Variants in EML5 observed in about 807,000 individuals in gnomAD.
EML5 encodes EMAP like 5.
A neutral mutation model predicts 250.0 loss-of-function variants in EML5; 120 were observed. The observed-to-expected ratio is 0.48, with a 90% CI of 0.41 to 0.56. EML5 has a LOEUF of 0.56. EML5 is among the 20% of genes least tolerant of loss of function. The pLI, the probability that EML5 is intolerant of heterozygous loss-of-function variation, is 0.00. For missense variants in EML5, 2,006 were observed against 2,437.6 expected, an observed-to-expected ratio of 0.82 and a Z score of 3.73; for synonymous variants, 771 against 806.5, an observed-to-expected ratio of 0.96 and a Z score of 0.75.
At chr14:88,680,219 A>G in intron 21 of EML5, among the ~76,000 whole-genome samples, 1 of 152,230 alleles carries the variant, frequency 6.6e-6, no homozygotes, top group Admixed American at 6.5e-5. Context: ...ATCTTAAGAA[A>G]TAAAATAGTT....
intron 10 of EML5, 25 bp from the exon 11 acceptor site, chr14:88,706,451 T>C (rs749347796): frequency 1.2e-5 from 18 of 1,450,968 alleles, no homozygotes; most frequent in Non-Finnish European, 1.6e-5. Flanking sequence ...TATCTTTAAA[T>C]TGATAAACAA....
At chr14:88,627,274 C>G (rs2090058181) in intron 34 of EML5, 1 of 558,674 alleles carries the variant, frequency 1.8e-6, no homozygotes, top group East Asian at 3.0e-5. Flanking sequence ...AATGTTTTGT[C>G]TAAAGTGTGG....
intron 33 of EML5, among the ~76,000 whole-genome samples, chr14:88,632,352 A>G (rs374309740): frequency 6.6e-6 from 1 of 152,130 alleles, no homozygotes; most frequent in Admixed American, 6.5e-5. Context: ...TACATTCTCA[A>G]TAATATAGTG....
At chr14:88,732,425 A>T (rs2093775110) in intron 7 of EML5, among the ~76,000 whole-genome samples, 1 of 152,046 alleles carries the variant, frequency 6.6e-6, no homozygotes, top group South Asian at 2.1e-4. Context: ...ATTGGTCTAT[A>T]TCTCTGTTTT....
At chr14:88,782,933 G>A (rs747000181) in intron 1 of EML5, among the ~76,000 whole-genome samples, 7 of 152,122 alleles carry the variant, frequency 4.6e-5, no homozygotes, top group Non-Finnish European at 8.8e-5. Context: ...TACAGAATTA[G>A]TCAGGTGTGG....
chr14:88,667,076 G>A (rs1706622072), intron 21 of EML5, among the ~76,000 whole-genome samples: 1 of 152,058 alleles, frequency 6.6e-6, no homozygotes, highest in African/African-American at 2.4e-5. Context: ...TTGCTTGAGT[G>A]GTGATGCCAT....
chr14:88,725,422 A>C (rs1000743342), intron 8 of EML5, among the ~76,000 whole-genome samples: 1 of 152,216 alleles, frequency 6.6e-6, no homozygotes, highest in African/African-American at 2.4e-5. Flanking sequence ...GTATCTGTTC[A>C]TAATGGGGAG....
chr14:88,751,435 G>C (rs1216340684), intron 2 of EML5, among the ~76,000 whole-genome samples: 2 of 152,190 alleles, frequency 1.3e-5, no homozygotes, highest in Non-Finnish European at 2.9e-5. Context: ...CAATCCAGGG[G>C]AGGGAAGGAG....
intron 31 of EML5, 48 bp downstream of exon 31, chr14:88,642,845 T>C (rs1255882752): frequency 2.6e-6 from 4 of 1,548,100 alleles, no homozygotes; most frequent in Non-Finnish European, 1.7e-6. Flanking sequence ...GATCAAAATT[T>C]CTAAGTTAAA....
At chr14:88,768,804 A>T (rs1226076050) in intron 1 of EML5, among the ~76,000 whole-genome samples, 2 of 152,252 alleles carry the variant, frequency 1.3e-5, no homozygotes, top group African/African-American at 4.8e-5. Flanking sequence ...TATTTATTTA[A>T]CCCATCTATT....
chr14:88,709,460 G>A (rs960107319), intron 10 of EML5, among the ~76,000 whole-genome samples: 15 of 152,118 alleles, frequency 9.9e-5, no homozygotes, highest in African/African-American at 2.9e-4. Flanking sequence ...ATGTTTGACA[G>A]AGGAGAAAAC....
chr14:88,678,366 G>A (rs774862548), intron 21 of EML5, among the ~76,000 whole-genome samples: 3 of 152,070 alleles, frequency 2.0e-5, no homozygotes, highest in Non-Finnish European at 2.9e-5. Flanking sequence ...GTTGACAGGT[G>A]CAACAAGCCA....
intron 8 of EML5, among the ~76,000 whole-genome samples, chr14:88,717,062 GA>G (rs1378816935): frequency 6.6e-6 from 1 of 152,212 alleles, no homozygotes; most frequent in Non-Finnish European, 1.5e-5. Context: ...TAAAGGTACA[GA>G]GTTGATCAGA....
chr14:88,671,757 T>G (rs975872454), intron 21 of EML5, among the ~76,000 whole-genome samples: 2 of 152,016 alleles, frequency 1.3e-5, no homozygotes, highest in African/African-American at 4.8e-5. Context: ...CAATCCTAGT[T>G]TCTAACAAAA....
At chr14:88,718,318 G>A (rs561976632) in intron 8 of EML5, among the ~76,000 whole-genome samples, 1 of 152,192 alleles carries the variant, frequency 6.6e-6, no homozygotes, top group Non-Finnish European at 1.5e-5. Context: ...GTAACTGACA[G>A]CAGAGGCAGA....
At chr14:88,718,887 G>C (rs2093546068) in intron 8 of EML5, among the ~76,000 whole-genome samples, 1 of 152,114 alleles carries the variant, frequency 6.6e-6, no homozygotes, top group African/African-American at 2.4e-5. Context: ...TACACAAAGA[G>C]TTACTTTTTT....
chr14:88,615,862 C>T lies in EML5; in HGVS notation c.5898-8G>A. 1 of 1,610,138 alleles carries T rather than the reference C, an allele frequency of 6.2e-7. No individual in the cohort carries two copies. Among genetic ancestry groups the T allele is most frequent in the South Asian group, 1.1e-5 (1 of 89,946 alleles). Reference sequence around the variant, plus strand: ...CATTTCCAGACAAATAAGCTGCAATCAGAGAAGAAAATTGCAGGGAGTTAA... The same window carrying T: ...CATTTCCAGACAAATAAGCTGCAATTAGAGAAGAAAATTGCAGGGAGTTAA... On this transcript the variant is annotated splice_region_variant and splice_polypyrimidine_tract_variant and intron_variant, in intron 43 of 43. Coordinates refer to ENST00000554922, the MANE Select transcript of EML5 (RefSeq NM_183387.3).
intron 21 of EML5, among the ~76,000 whole-genome samples, chr14:88,678,843 G>A (rs1251296608): frequency 6.6e-6 from 1 of 152,064 alleles, no homozygotes; most frequent in African/African-American, 2.4e-5. Flanking sequence ...TTTCCTAGAG[G>A]CTGTAACAAA....
intron 17 of EML5, among the ~76,000 whole-genome samples, chr14:88,694,023 T>C (rs569914200): frequency 5.3e-5 from 8 of 151,756 alleles, no homozygotes; most frequent in African/African-American, 1.9e-4. Context: ...TCCTCCCACC[T>C]TGGCCTCCCA....
Sources: gnomAD v4.1 joint callset for allele counts (sites outside exome capture counted in the v4.1 genomes callset) on GRCh38, gnomAD v4.1.1 for gene constraint, MANE v1.5 for transcripts, NCBI Gene and HGNC (gene_info 2026-07-23, HGNC 2026-07-21) for gene names.